SLC28A3: variants seen among roughly 807,000 people sequenced by gnomAD.
SLC28A3 encodes concentrative Na(+)-nucleoside cotransporter 3.
A neutral mutation model predicts 84.2 loss-of-function variants in SLC28A3; 68 were observed. That is an observed-to-expected ratio of 0.81 (90% CI 0.66 to 0.99). The LOEUF (loss-of-function observed/expected upper bound fraction) is 0.99, where lower values mean the gene tolerates loss of function less well. Ranked by LOEUF, SLC28A3 falls within the 50% of genes least tolerant of loss-of-function variation. SLC28A3 has a pLI of 0.00. For synonymous variants in SLC28A3, 267 were observed against 303.6 expected, an observed-to-expected ratio of 0.88 and a Z score of 1.25; for missense variants, 712 against 841.5, an observed-to-expected ratio of 0.85 and a Z score of 1.90.
chr9:84,351,295 G>C, the SLC28A3 span, among the ~76,000 whole-genome samples: 1 of 152,228 alleles, frequency 6.6e-6, no homozygotes, highest in African/African-American at 2.4e-5. Context: ...TATTGTATAT[G>C]AGGTCTCTTG....
chr9:84,338,086 T>A (rs1031943169), intron 1 of SLC28A3, among the ~76,000 whole-genome samples: 2 of 152,228 alleles, frequency 1.3e-5, no homozygotes, highest in African/African-American at 4.8e-5. Context: ...ACAGGCCTTT[T>A]GGGAACCCAT....
chr9:84,297,255 C>T lies in SLC28A3; in HGVS notation c.827G>A (p.Gly276Asp). The change falls in exon 8 of 18, where the codon GGT (glycine) becomes GAT (aspartate). Residue 276 changes from glycine to aspartate, a missense_variant. Coordinates refer to ENST00000376238, the MANE Select transcript of SLC28A3 (RefSeq NM_001199633.2). Reference sequence around the variant, plus strand: ...AAAGAAGTGGTCTTTGTATTTCTCACCAAAGACAAATGAAGCACCAGCATC... The same window carrying T: ...AAAGAAGTGGTCTTTGTATTTCTCATCAAAGACAAATGAAGCACCAGCATC... ...YTDAGASFVF[G>D]EKYKDHFFAF... is the part of the protein sequence containing the mutation. The T allele has an allele frequency of 6.2e-7, 1 of 1,613,586 alleles. No individual in the cohort carries two copies. Among genetic ancestry groups the T allele is most frequent in the Non-Finnish European group, 8.5e-7 (1 of 1,179,894 alleles).
At chr9:84,340,223 C>T (rs1181468369) in intron 1 of SLC28A3, among the ~76,000 whole-genome samples, 1 of 152,160 alleles carries the variant, frequency 6.6e-6, no homozygotes, top group East Asian at 1.9e-4. Flanking sequence ...AGACACTACC[C>T]CAGCCAGGAT....
chr9:84,327,145 AAT>A (rs1826592312), intron 1 of SLC28A3, among the ~76,000 whole-genome samples: 1 of 152,210 alleles, frequency 6.6e-6, no homozygotes. Context: ...GAAATAACAG[AAT>A]TCAATCTCTT....
chr9:84,340,871 T>C (rs1271766334), upstream of SLC28A3, among the ~76,000 whole-genome samples: 1 of 152,004 alleles, frequency 6.6e-6, no homozygotes, highest in African/African-American at 2.4e-5. Flanking sequence ...CCGCCCACCT[T>C]ATTAATCTTT....
At chr9:84,364,120 C>CTTTTTTTTT in the SLC28A3 span, among the ~76,000 whole-genome samples, 1 of 85,294 alleles carries the variant, frequency 1.2e-5, no homozygotes, top group Non-Finnish European at 2.1e-5. Context: ...CAGTTACACT[C>CTTTTTTTTT]TTTTTTTTTT....
upstream of SLC28A3, among the ~76,000 whole-genome samples, chr9:84,345,355 G>A (rs1827232228): frequency 6.6e-6 from 1 of 152,180 alleles, no homozygotes; most frequent in African/African-American, 2.4e-5. Context: ...GGTGCAACCT[G>A]ATATTAAAAC....
Position 84,286,087 on chromosome 9 carries a change from A to C in SLC28A3, c.1305T>G (p.Ala435=). The C allele has an allele frequency of 6.2e-7, 1 of 1,613,696 alleles. No individual in the cohort carries two copies. Among genetic ancestry groups the C allele is most frequent in the Non-Finnish European group, 8.5e-7 (1 of 1,179,830 alleles). Residue 435 remains alanine, a synonymous_variant, in exon 13 of 18, where the codon GCT becomes GCG. Transcript: ENST00000376238. ...ESGDSGNLLE[A]ATQGASSSIS... is the part of the protein sequence containing the mutation. ...TGGAGGAGGATGCTCCCTGTGTTGCAGCTTCTAGAAGATTCCCTGAATCAC... is the reference window on the plus strand; with the variant it reads ...TGGAGGAGGATGCTCCCTGTGTTGCCGCTTCTAGAAGATTCCCTGAATCAC...
intron 1 of SLC28A3, among the ~76,000 whole-genome samples, chr9:84,332,071 A>C (rs552185038): frequency 6.6e-6 from 1 of 152,220 alleles, no homozygotes; most frequent in East Asian, 1.9e-4. Flanking sequence ...CCTACCTTAC[A>C]CTATACATTA....
intron 4 of SLC28A3, among the ~76,000 whole-genome samples, chr9:84,303,700 T>C (rs1825704273): frequency 6.6e-6 from 1 of 152,206 alleles, no homozygotes; most frequent in Non-Finnish European, 1.5e-5. Flanking sequence ...CTGGAGTGGT[T>C]CTGGCCAGTC....
At chr9:84,280,676 C>T (rs1194524292) in intron 15 of SLC28A3, 125 bp downstream of exon 15, 1 of 863,032 alleles carries the variant, frequency 1.2e-6, no homozygotes, top group Admixed American at 2.5e-5. Context: ...AAAAAATAGA[C>T]CCCAGAGGAC....
intron 5 of SLC28A3, among the ~76,000 whole-genome samples, chr9:84,300,546 G>A (rs1319146293): frequency 1.3e-5 from 2 of 152,208 alleles, no homozygotes; most frequent in African/African-American, 2.4e-5. Flanking sequence ...GCACAGCAGA[G>A]CCAGAAAGCC....
At position 84,285,422 on chromosome 9, in the gene SLC28A3, C is replaced by T. The variant is rs763551590; in HGVS notation, c.1570G>A (p.Glu524Lys). The T allele has an allele frequency of 4.3e-6, 7 of 1,614,038 alleles. No homozygotes were observed. Among genetic ancestry groups the T allele is most frequent in the South Asian group, 1.1e-5 (1 of 91,082 alleles). ...AAGTGGATCCATTTTGAGAGGTGCT[C>T]ATAAGCCACAAATTCATTGAAGAAG... ...KTFFNEFVAYEHLSKWIHLRK... is the reference protein window; with the variant it reads ...KTFFNEFVAYKHLSKWIHLRK... The change falls in exon 14 of 18, where the codon GAG becomes AAG. Residue 524 changes from glutamate to lysine, a missense_variant. By Grantham distance (56) the Glu-to-Lys change is moderately conservative (BLOSUM62 1). Coordinates refer to ENST00000376238, the MANE Select transcript of SLC28A3 (RefSeq NM_001199633.2).
intron 11 of SLC28A3, among the ~76,000 whole-genome samples, chr9:84,288,718 T>C (rs1227335317): frequency 6.6e-6 from 1 of 152,132 alleles, no homozygotes; most frequent in Non-Finnish European, 1.5e-5. Flanking sequence ...CTAATTTTTG[T>C]ATCTTTTAGT....
At position 84,280,023 on chromosome 9, in the gene SLC28A3, C is replaced by G; in HGVS notation, c.1780G>C (p.Ala594Pro). 1 of 1,614,030 alleles carries G rather than the reference C, an allele frequency of 6.2e-7. No individual in the cohort carries two copies. Among genetic ancestry groups the G allele is most frequent in the Non-Finnish European group, 8.5e-7 (1 of 1,180,024 alleles). Residue 594 changes from alanine to proline, a missense_variant, in exon 16 of 18, where the codon GCT (alanine) becomes CCT (proline). Physicochemically the swap from Ala to Pro is conservative, Grantham distance 27 (BLOSUM62 -1). Coordinates refer to ENST00000376238, the MANE Select transcript of SLC28A3 (RefSeq NM_001199633.2). Reference sequence around the variant, plus strand: ...CAGGCCACGGTCCCCGCAATCAGAGCTCTCACTGCCCCCGAGGCGATATCA... The same window carrying G: ...CAGGCCACGGTCCCCGCAATCAGAGGTCTCACTGCCCCCGAGGCGATATCA... ...KRDIASGAVR[A>P]LIAGTVACFM...
rs1824519074 is a variant in SLC28A3, at chr9:84,276,160, T to G, written c.*2058A>C. The G allele has an allele frequency of 6.6e-6, 1 of 152,106 alleles. No homozygotes were observed. The highest frequency in any genetic ancestry group is 2.4e-5 in the African/African-American group (1 of 41,406). The allele number at this position is 152,106 out of a possible 1,614,324, so 9.4% of individuals were successfully genotyped here. A position where few individuals can be genotyped will look rare whatever the true frequency, so the allele number is the denominator to read the frequency against. ...ACCAACATGGGTATGTAAATTTACT[T>G]TGCAAATTTAGATTTTATGAAATCT... On this transcript the variant is annotated 3_prime_UTR_variant, in exon 18 of 18. Transcript: ENST00000376238.
At chr9:84,333,701 C>T (rs4266723) in intron 1 of SLC28A3, among the ~76,000 whole-genome samples, 124,277 of 152,146 alleles carry the variant, frequency 0.82, 50,966 homozygotes, top group African/African-American at 0.9. Flanking sequence ...GATAGGCATG[C>T]AAATTGGTAA....
chr9:84,347,922 T>C, the SLC28A3 span, among the ~76,000 whole-genome samples: 3 of 152,078 alleles, frequency 2.0e-5, no homozygotes, highest in Admixed American at 1.3e-4. Flanking sequence ...CCAGGGAATA[T>C]GTGTGAGTTC....
chr9:84,278,750 C>A (rs1285168805), intron 17 of SLC28A3, among the ~76,000 whole-genome samples: 2 of 151,914 alleles, frequency 1.3e-5, no homozygotes, highest in East Asian at 3.9e-4. Flanking sequence ...TGAAGGGGAG[C>A]CAGCAGAGGG....
Sources: allele counts gnomAD v4.1 joint callset (sites outside exome capture counted in the v4.1 genomes callset), GRCh38; gene constraint gnomAD v4.1.1; transcripts MANE v1.5; gene names NCBI Gene and HGNC (gene_info 2026-07-23, HGNC 2026-07-21).